AMMECR1: variants seen among roughly 807,000 people sequenced by gnomAD.
AMMECR1 encodes nuclear protein AMMECR1.
Under a neutral mutation model 22.5 loss-of-function variants are expected in AMMECR1, and 3 were observed. The ratio of observed to expected loss-of-function variants is 0.13; its 90% CI spans 0.06 to 0.35. The LOEUF (loss-of-function observed/expected upper bound fraction) is 0.35, where lower values mean the gene tolerates loss of function less well. Among genes scored for constraint, AMMECR1 ranks in the 10% least tolerant of loss-of-function variants. The probability of loss-of-function intolerance (pLI) is 1.00; values close to 1 mark genes in which losing one functional copy is unlikely to be tolerated. For missense variants in AMMECR1, 235 were observed against 278.7 expected, an observed-to-expected ratio of 0.84 and a Z score of 1.12; for synonymous variants, 130 against 116.7, an observed-to-expected ratio of 1.11 and a Z score of -0.74.
chrX:110,378,161 C>G (rs1399385441), intron 2 of AMMECR1, among the ~76,000 whole-genome samples: 1 of 111,753 alleles, frequency 8.9e-6, no homozygotes, highest in African/African-American at 3.3e-5. Flanking sequence ...GGCTACAAGG[C>G]TCAGCTTTGG....
At chrX:110,410,981 A>G (rs1400422085) in intron 2 of AMMECR1, among the ~76,000 whole-genome samples, 1 of 112,360 alleles carries the variant, frequency 8.9e-6, no homozygotes, top group Non-Finnish European at 1.9e-5. Flanking sequence ...TGGCAAATCT[A>G]TCTGCTCTCT....
intron 1 of AMMECR1, among the ~76,000 whole-genome samples, chrX:110,298,050 C>T (rs1229505951): frequency 9.0e-6 from 1 of 111,446 alleles, no homozygotes; most frequent in Non-Finnish European, 1.9e-5. Flanking sequence ...TTTTAAAATA[C>T]TGCTTTATTT....
chrX:110,302,591 G>A (rs776772533), intron 1 of AMMECR1, among the ~76,000 whole-genome samples: 1 of 111,685 alleles, frequency 9.0e-6, no homozygotes, highest in South Asian at 3.8e-4. Context: ...AATTTTCCTA[G>A]GCCAGGCGCG....
At chrX:110,417,501 C>T (rs1453811413) in intron 2 of AMMECR1, among the ~76,000 whole-genome samples, 3 of 111,698 alleles carry the variant, frequency 2.7e-5, no homozygotes, top group Non-Finnish European at 5.6e-5. Context: ...ATGCGATAAG[C>T]CCTGTGCTTA....
At chrX:110,218,306 A>T (rs1345767440) in intron 2 of AMMECR1, among the ~76,000 whole-genome samples, 1 of 111,681 alleles carries the variant, frequency 9.0e-6, no homozygotes, top group Non-Finnish European at 1.9e-5. Context: ...AAAAAGAGTA[A>T]AAGACACATC....
chrX:110,246,551 C>T (rs1280593771), intron 2 of AMMECR1, among the ~76,000 whole-genome samples: 1 of 111,984 alleles, frequency 8.9e-6, no homozygotes, highest in African/African-American at 3.3e-5. Flanking sequence ...ATTTATTTTG[C>T]TCTATGCCTA....
intron 1 of AMMECR1, among the ~76,000 whole-genome samples, chrX:110,308,156 C>T (rs2068007261): frequency 9.0e-6 from 1 of 111,624 alleles, no homozygotes; most frequent in South Asian, 3.7e-4. Flanking sequence ...GGATTACAGG[C>T]GTGAGCCATG....
At chrX:110,357,087 A>G (rs1423563085) in intron 2 of AMMECR1, among the ~76,000 whole-genome samples, 2 of 112,175 alleles carry the variant, frequency 1.8e-5, no homozygotes, top group African/African-American at 6.5e-5. Context: ...AAAAATGAGA[A>G]CTGAGTATGT....
chrX:110,410,056 T>C (rs886215717), intron 2 of AMMECR1, among the ~76,000 whole-genome samples: 3 of 111,901 alleles, frequency 2.7e-5, no homozygotes, highest in African/African-American at 3.3e-5. Flanking sequence ...CACTGGTGAT[T>C]TTGATGAGGA....
intron 1 of AMMECR1, among the ~76,000 whole-genome samples, chrX:110,430,605 A>G (rs1205980812): frequency 8.9e-6 from 1 of 111,899 alleles, no homozygotes; most frequent in Non-Finnish European, 1.9e-5. Context: ...AATTTTCAGT[A>G]CTGCCAAAAC....
chrX:110,291,111 G>C (rs1219317868), intron 1 of AMMECR1, among the ~76,000 whole-genome samples: 1 of 111,713 alleles, frequency 9.0e-6, no homozygotes, highest in Non-Finnish European at 1.9e-5. Context: ...GTTCTATGTA[G>C]ATTGATAATA....
chrX:110,259,134 A>C (rs1343668200), intron 2 of AMMECR1, among the ~76,000 whole-genome samples: 1 of 111,490 alleles, frequency 9.0e-6, no homozygotes, highest in Non-Finnish European at 1.9e-5. Flanking sequence ...ATGGAAAGTG[A>C]ATATTTGTAC....
At chrX:110,266,516 G>A (rs1350499783) in intron 1 of AMMECR1, among the ~76,000 whole-genome samples, 3 of 110,039 alleles carry the variant, frequency 2.7e-5, no homozygotes, top group African/African-American at 9.9e-5. Flanking sequence ...CTAAGTAGCT[G>A]GGATTACAGG....
chrX:110,373,448 C>A (rs993547390), intron 2 of AMMECR1, among the ~76,000 whole-genome samples: 3 of 111,635 alleles, frequency 2.7e-5, no homozygotes, highest in African/African-American at 6.5e-5. Flanking sequence ...AATGAAAAAC[C>A]GCCTGTAGAC....
intron 1 of AMMECR1, among the ~76,000 whole-genome samples, chrX:110,430,326 G>A (rs1418333550): frequency 8.9e-6 from 1 of 112,621 alleles, no homozygotes; most frequent in Non-Finnish European, 1.9e-5. Context: ...CATTTATTGA[G>A]CAATGATTAT....
At chrX:110,328,248 A>G (rs1263835392) in intron 2 of AMMECR1, among the ~76,000 whole-genome samples, 1 of 111,806 alleles carries the variant, frequency 8.9e-6, no homozygotes, top group Non-Finnish European at 1.9e-5. Flanking sequence ...TCAAGCAAGT[A>G]ATTTAACTTC....
At chrX:110,301,880 A>T (rs773086515) in intron 1 of AMMECR1, among the ~76,000 whole-genome samples, 22 of 112,325 alleles carry the variant, frequency 2.0e-4, no homozygotes, top group African/African-American at 6.5e-4. Context: ...TAGAAAAAAA[A>T]TTTTATTTAA....
chrX:110,416,037 A>G (rs1444443370), intron 2 of AMMECR1, among the ~76,000 whole-genome samples: 1 of 110,184 alleles, frequency 9.1e-6, no homozygotes, highest in East Asian at 2.8e-4. Flanking sequence ...AAGCAGACTC[A>G]GATGATTAAC....
chrX:110,267,573 T>C (rs186886691), intron 1 of AMMECR1, among the ~76,000 whole-genome samples: 93 of 111,368 alleles, frequency 8.4e-4, no homozygotes, highest in African/African-American at 3.0e-3. Flanking sequence ...GTAATATAGA[T>C]AATAGCATGT....
Sources: allele counts gnomAD v4.1 joint callset (sites outside exome capture counted in the v4.1 genomes callset), GRCh38; gene constraint gnomAD v4.1.1; transcripts MANE v1.5; gene names NCBI Gene and HGNC (gene_info 2026-07-23, HGNC 2026-07-21).